ANK2: variants seen among roughly 807,000 people sequenced by gnomAD.
ANK2 encodes the protein ankyrin-2.
Under a neutral mutation model 360.5 loss-of-function variants are expected in ANK2, and 83 were observed. That is an observed-to-expected ratio of 0.23 (90% CI 0.19 to 0.28). The LOEUF is 0.28. Among genes scored for constraint, ANK2 ranks in the 10% least tolerant of loss-of-function variants. The pLI, the probability that ANK2 is intolerant of heterozygous loss-of-function variation, is 1.00. For synonymous variants in ANK2, 1,740 were observed against 1,759.5 expected (o/e 0.99, Z 0.28); for missense variants, 4,201 against 4,795.7 (o/e 0.88, Z 3.66).
At chr4:112,725,995 C>T in the ANK2 span, among the ~76,000 whole-genome samples, 4 of 152,186 alleles carry the variant, frequency 2.6e-5, no homozygotes, top group East Asian at 7.7e-4. Context: ...GTGCACAGAG[C>T]ACTTGGGGTG....
In ANK2 at chr4:113,336,635, G is replaced by A. The variant is rs1193160347; in HGVS notation, c.3650G>A (p.Ser1217Asn). ...ATCCTAGGCAACAAAGCTACCTTCAGCCCTATAGTCACTTTGGAACCTAGA... is the reference window on the plus strand; with the variant it reads ...ATCCTAGGCAACAAAGCTACCTTCAACCCTATAGTCACTTTGGAACCTAGA... ...KKILGNKATF[S>N]PIVTLEPRRR... Residue 1217 changes from serine (S) to asparagine (N), a missense_variant, in exon 31 of 46, where the codon AGC becomes AAC. Coordinates refer to ENST00000357077, the MANE Select transcript of ANK2 (RefSeq NM_001148.6). 1 of 1,614,112 alleles carries A rather than the reference G, an allele frequency of 6.2e-7. No homozygotes were observed. The highest frequency in any genetic ancestry group is 8.5e-7 in the Non-Finnish European group (1 of 1,180,024).
intron 1 of ANK2, among the ~76,000 whole-genome samples, chr4:112,847,285 A>T (rs1176949933): frequency 2.0e-5 from 3 of 152,168 alleles, no homozygotes; most frequent in African/African-American, 7.2e-5. Flanking sequence ...GTCGTTTTCT[A>T]CTAAGTTTGC....
chr4:112,742,537 T>C, the ANK2 span, among the ~76,000 whole-genome samples: 1 of 152,100 alleles, frequency 6.6e-6, no homozygotes, highest in East Asian at 1.9e-4. Flanking sequence ...GAGCATTATA[T>C]TTTAGACAAT....
intron 1 of ANK2, among the ~76,000 whole-genome samples, chr4:113,096,036 G>A (rs2090894672): frequency 6.6e-6 from 1 of 152,200 alleles, no homozygotes; most frequent in African/African-American, 2.4e-5. Context: ...CCAAAGTAGT[G>A]TAGCTGTGCT....
At chr4:113,117,039 G>C (rs1018957535) in intron 1 of ANK2, 3 of 336,806 alleles carry the variant, frequency 8.9e-6, no homozygotes, top group African/African-American at 6.4e-5. Flanking sequence ...GCCTGTGTGC[G>C]TGCAGGTGTG....
intron 26 of ANK2, among the ~76,000 whole-genome samples, chr4:113,322,372 T>C (rs1205423511): frequency 6.6e-6 from 1 of 152,228 alleles, no homozygotes; most frequent in Non-Finnish European, 1.5e-5. Context: ...TTTAAAGTGT[T>C]GTCTTCAGAT....
intron 41 of ANK2, among the ~76,000 whole-genome samples, chr4:113,366,391 C>CTTTTTTTTTTTT (rs58588518): frequency 5.5e-5 from 6 of 108,346 alleles, no homozygotes; most frequent in African/African-American, 1.8e-4. Context: ...TTCTTGCTTC[C>CTTTTTTTTTTTT]TTTTTTTTTT....
At chr4:113,027,082 G>T (rs1248178915) in intron 2 of ANK2, among the ~76,000 whole-genome samples, 1 of 152,136 alleles carries the variant, frequency 6.6e-6, no homozygotes, top group Admixed American at 6.6e-5. Context: ...ACCTGTGCAT[G>T]CTTGAAGTTG....
At chr4:112,916,074 A>C (rs972197003) in intron 2 of ANK2, among the ~76,000 whole-genome samples, 2 of 152,184 alleles carry the variant, frequency 1.3e-5, no homozygotes, top group Non-Finnish European at 2.9e-5. Context: ...AGTTTCATTA[A>C]GATAAAAAGT....
At chr4:113,013,694 GTT>G (rs1348588426) in intron 2 of ANK2, among the ~76,000 whole-genome samples, 1 of 152,074 alleles carries the variant, frequency 6.6e-6, no homozygotes, top group Non-Finnish European at 1.5e-5. Flanking sequence ...TTTTCAAACT[GTT>G]TTAAAACTGT....
intron 1 of ANK2, among the ~76,000 whole-genome samples, chr4:112,860,401 A>G (rs768873494): frequency 1.3e-5 from 2 of 151,828 alleles, no homozygotes; most frequent in Non-Finnish European, 2.9e-5. Context: ...TAATTTTTGT[A>G]TTTTTAGTGA....
At chr4:112,924,867 C>G (rs545675255) in intron 2 of ANK2, among the ~76,000 whole-genome samples, 86 of 132,690 alleles carry the variant, frequency 6.5e-4, no homozygotes, top group African/African-American at 2.4e-3. Context: ...GAGACACAGT[C>G]TCGCTCTGTC....
intron 2 of ANK2, among the ~76,000 whole-genome samples, chr4:113,002,427 T>C (rs1171119710): frequency 5.3e-5 from 8 of 152,128 alleles, no homozygotes; most frequent in Non-Finnish European, 1.0e-4. Context: ...ATGGATGAAA[T>C]TGGAAATCAT....
At chr4:112,862,106 T>C (rs528215910) in intron 1 of ANK2, among the ~76,000 whole-genome samples, 3 of 152,112 alleles carry the variant, frequency 2.0e-5, no homozygotes, top group South Asian at 2.1e-4. Flanking sequence ...GTTGTGAAAA[T>C]GAAAGGGAAA....
intron 1 of ANK2, among the ~76,000 whole-genome samples, chr4:112,837,509 A>C (rs945460320): frequency 6.6e-6 from 1 of 152,208 alleles, no homozygotes; most frequent in Admixed American, 6.5e-5. Flanking sequence ...CATCCTCCAG[A>C]CCCAAGAATG....
At chr4:113,189,717 G>A (rs960311926) in intron 2 of ANK2, among the ~76,000 whole-genome samples, 6 of 152,174 alleles carry the variant, frequency 3.9e-5, no homozygotes, top group Non-Finnish European at 8.8e-5. Flanking sequence ...TCGAGGTCCT[G>A]CCACCTCTTT....
At chr4:113,305,433 T>C (rs2076879203) in intron 23 of ANK2, among the ~76,000 whole-genome samples, 1 of 152,054 alleles carries the variant, frequency 6.6e-6, no homozygotes, top group Admixed American at 6.5e-5. Flanking sequence ...TTAAAAATGT[T>C]ATATATTAAA....
intron 1 of ANK2, among the ~76,000 whole-genome samples, chr4:113,089,654 C>T (rs1357801508): frequency 1.3e-5 from 2 of 152,122 alleles, no homozygotes; most frequent in East Asian, 1.9e-4. Flanking sequence ...GGAGAAACCT[C>T]GTGTCTAAGA....
intron 1 of ANK2, among the ~76,000 whole-genome samples, chr4:112,840,488 G>T (rs2061858328): frequency 6.6e-6 from 1 of 152,170 alleles, no homozygotes; most frequent in African/African-American, 2.4e-5. Context: ...TCAAGGGGCA[G>T]ATTCTGGGTT....
Sources: gnomAD v4.1 joint callset for allele counts (sites outside exome capture counted in the v4.1 genomes callset) on GRCh38, gnomAD v4.1.1 for gene constraint, MANE v1.5 for transcripts, NCBI Gene and HGNC (gene_info 2026-07-23, HGNC 2026-07-21) for gene names.